The following MCTP1 variants were observed in gnomAD, a reference collection of about 807,000 sequenced individuals.
MCTP1 encodes the protein multiple C2 and transmembrane domain-containing protein 1.
A neutral mutation model predicts 120.6 loss-of-function variants in MCTP1; 69 were observed. The ratio of observed to expected loss-of-function variants is 0.57; its 90% confidence interval spans 0.47 to 0.70. The LOEUF (loss-of-function observed/expected upper bound fraction) is 0.70. Among genes scored for constraint, MCTP1 ranks in the 30% least tolerant of loss-of-function variants. MCTP1 has a pLI of 0.00. For missense variants in MCTP1, 1,203 were observed against 1,248.8 expected (o/e 0.96, Z 0.55); for synonymous variants, 529 against 493.1 (o/e 1.07, Z -0.96).
At chr5:95,165,031 A>G (rs1008644571) in intron 1 of MCTP1, among the ~76,000 whole-genome samples, 70 of 152,314 alleles carry the variant, frequency 4.6e-4, no homozygotes, top group African/African-American at 1.6e-3. Flanking sequence ...CAACCCAGAA[A>G]TGACACTATT....
At chr5:94,800,400 G>T (rs1196668060) in intron 17 of MCTP1, among the ~76,000 whole-genome samples, 1 of 152,156 alleles carries the variant, frequency 6.6e-6, no homozygotes, top group Non-Finnish European at 1.5e-5. Context: ...TAGGTCAGGA[G>T]AGTTAGGGGC....
chr5:95,227,097 T>A (rs1165909008), intron 1 of MCTP1, among the ~76,000 whole-genome samples: 1 of 152,170 alleles, frequency 6.6e-6, no homozygotes, highest in Non-Finnish European at 1.5e-5. Flanking sequence ...GAGGCAGAAT[T>A]TGATTTATTT....
At chr5:95,074,869 A>G (rs1399935359) in intron 1 of MCTP1, among the ~76,000 whole-genome samples, 1 of 152,250 alleles carries the variant, frequency 6.6e-6, no homozygotes, top group Non-Finnish European at 1.5e-5. Context: ...TGCAGAATTT[A>G]AATACTAAAT....
chr5:95,001,495 A>T (rs1194133274), intron 2 of MCTP1, among the ~76,000 whole-genome samples: 1 of 152,188 alleles, frequency 6.6e-6, no homozygotes, highest in Non-Finnish European at 1.5e-5. Flanking sequence ...AATGGCTTTG[A>T]CCAAAATGCT....
intron 1 of MCTP1, among the ~76,000 whole-genome samples, chr5:95,180,209 G>T (rs35698400): frequency 0.17 from 25,279 of 152,154 alleles, 2,615 homozygotes; most frequent in Non-Finnish European, 0.22. Context: ...TGGGGGACTT[G>T]AATACTCCAC....
intron 1 of MCTP1, among the ~76,000 whole-genome samples, chr5:95,145,202 G>C (rs1760279911): frequency 1.3e-5 from 2 of 152,152 alleles, no homozygotes; most frequent in African/African-American, 4.8e-5. Flanking sequence ...GAGCTAGGAT[G>C]TTATTGGTGT....
intron 1 of MCTP1, among the ~76,000 whole-genome samples, chr5:95,220,988 AG>A (rs770882840): frequency 2.0e-5 from 3 of 152,240 alleles, no homozygotes; most frequent in Non-Finnish European, 4.4e-5. Context: ...TTACGCAAAA[AG>A]GACCTAAAGT....
chr5:95,266,984 G>C lies in MCTP1; in HGVS notation c.720+16872C>G, dbSNP rs138103475. On this transcript the variant is annotated intron_variant, in intron 1 of 22. Transcript: ENST00000515393. The stretch of plus-strand genomic sequence containing the variant: ...AACATTGTATAACAAATGTAATGGT[G>C]AGCTTTAACACACTTTAACTTTTCC... Among the ~76,000 whole-genome samples, 164 of 152,266 alleles carry C rather than the reference G, an allele frequency of 1.1e-3. 1 individual carries two copies. The highest frequency in any genetic ancestry group is 3.4e-3 in the Middle Eastern group (1 of 294).
chr5:95,077,934 G>A lies in MCTP1; in HGVS notation c.721-60450C>T, dbSNP rs534334789. 4.0e-5 allele frequency among the ~76,000 whole-genome samples: 6 copies of A among 151,646 alleles called. No individual in the cohort carries two copies. In the South Asian group the frequency reaches 1.3e-3, roughly 32 times the overall value. The stretch of plus-strand genomic sequence containing the variant: ...TCACATCTCATACATCATTCCTCTG[G>A]GCCCACATTCTCTAGTCTGGTCCCA... On this transcript the variant is annotated intron_variant, in intron 1 of 22. Transcript: ENST00000515393.
intron 17 of MCTP1, among the ~76,000 whole-genome samples, chr5:94,809,897 G>A (rs970029212): frequency 6.6e-6 from 1 of 151,978 alleles, no homozygotes; most frequent in Admixed American, 6.6e-5. Flanking sequence ...AAAGACCCAC[G>A]ACTATCTCAC....
chr5:94,995,271 G>T (rs1832400712), intron 2 of MCTP1, among the ~76,000 whole-genome samples: 1 of 152,134 alleles, frequency 6.6e-6, no homozygotes, highest in Non-Finnish European at 1.5e-5. Flanking sequence ...AGATTCGTGG[G>T]TCTCATTTCC....
Position 95,063,970 on chromosome 5 carries a change from T to C in MCTP1, c.721-46486A>G, listed in dbSNP as rs953804486. On this transcript the variant is annotated intron_variant, in intron 1 of 22. Coordinates refer to ENST00000515393, the MANE Select transcript of MCTP1 (RefSeq NM_024717.7). The stretch of plus-strand genomic sequence containing the variant: ...CATCTTCCAGTGGGAGGCAGGGAGA[T>C]AGAATTACAAGGAACACTGTGTGAT... 5.3e-5 allele frequency among the ~76,000 whole-genome samples: 8 copies of C among 152,144 alleles called. 1 individual carries two copies. In the East Asian group the frequency reaches 7.7e-4, roughly 15 times the overall value.
intron 19 of MCTP1, among the ~76,000 whole-genome samples, chr5:94,751,815 T>A (rs1442267757): frequency 1.3e-5 from 2 of 151,878 alleles, no homozygotes; most frequent in Non-Finnish European, 2.9e-5. Context: ...ACGTTCCAGA[T>A]GAAATAAGCC....
chr5:95,096,324 C>A (rs1335013064), intron 1 of MCTP1, among the ~76,000 whole-genome samples: 1 of 152,196 alleles, frequency 6.6e-6, no homozygotes, highest in Non-Finnish European at 1.5e-5. Context: ...CTCAGGCAGA[C>A]AAAACAGAGT....
intron 6 of MCTP1, chr5:94,929,649 C>T (rs1201147169): frequency 2.6e-5 from 26 of 984,650 alleles, no homozygotes; most frequent in Non-Finnish European, 1.1e-5. Flanking sequence ...CCAGGAAGCA[C>T]AATTTACCGG....
intron 1 of MCTP1, among the ~76,000 whole-genome samples, chr5:95,079,086 T>C (rs1455626442): frequency 6.6e-6 from 1 of 152,136 alleles, no homozygotes; most frequent in East Asian, 1.9e-4. Context: ...AATGACTAAT[T>C]TGAGTATCTC....
intron 2 of MCTP1, among the ~76,000 whole-genome samples, chr5:94,958,444 C>A (rs1280032272): frequency 6.6e-6 from 1 of 151,418 alleles, no homozygotes; most frequent in Non-Finnish European, 1.5e-5. Flanking sequence ...GAGATAGAGA[C>A]ATGAAAAACC....
intron 1 of MCTP1, among the ~76,000 whole-genome samples, chr5:95,109,331 CACAAT>C (rs1757299374): frequency 6.6e-6 from 1 of 152,122 alleles, no homozygotes; most frequent in Admixed American, 6.5e-5. Flanking sequence ...TGCTGAGACA[CACAAT>C]ACAATTCTAA....
intron 1 of MCTP1, among the ~76,000 whole-genome samples, chr5:95,213,800 G>T (rs1247823482): frequency 1.3e-5 from 2 of 151,986 alleles, no homozygotes; most frequent in Non-Finnish European, 2.9e-5. Flanking sequence ...CTGGGAAAAT[G>T]GGCTAGCCAT....
Sources: gnomAD v4.1 joint callset for allele counts (sites outside exome capture counted in the v4.1 genomes callset) on GRCh38, gnomAD v4.1.1 for gene constraint, MANE v1.5 for transcripts, NCBI Gene and HGNC (gene_info 2026-07-23, HGNC 2026-07-21) for gene names.